Variants in PKD1L3 observed in about 807,000 individuals in gnomAD.
The protein encoded by PKD1L3 is polycystin 1 like 3, transient receptor potential channel interacting.
A neutral mutation model predicts 184.1 loss-of-function variants in PKD1L3; 239 were observed. The observed-to-expected ratio is 1.30, with a 90% confidence interval of 1.17 to 1.45. The LOEUF (loss-of-function observed/expected upper bound fraction) is 1.45. Among genes scored for constraint, PKD1L3 ranks in the 40% most tolerant of loss-of-function variants. PKD1L3 has a pLI of 0.00. For missense variants in PKD1L3, 2,660 were observed against 2,067.2 expected (o/e 1.29, Z -5.56); for synonymous variants, 996 against 778.8 (o/e 1.28, Z -4.64).
At chr16:71,958,685 G>A (rs36182990) in intron 16 of PKD1L3, among the ~76,000 whole-genome samples, 28,795 of 147,490 alleles carry the variant, frequency 0.2, 3,448 homozygotes, top group Non-Finnish European at 0.27. Flanking sequence ...GGAGGCTGAG[G>A]CAGGAGAATC....
chr16:71,984,967 G>A (rs891881163), intron 5 of PKD1L3, among the ~76,000 whole-genome samples: 9 of 152,094 alleles, frequency 5.9e-5, no homozygotes, highest in African/African-American at 2.2e-4. Context: ...AATGGCCGCG[G>A]TCCCAAAGCT....
chr16:71,995,946 T>C (rs1039138768), intron 2 of PKD1L3, among the ~76,000 whole-genome samples: 53 of 152,178 alleles, frequency 3.5e-4, no homozygotes, highest in African/African-American at 1.2e-3. Flanking sequence ...ATCTGATAGG[T>C]GGGAAAGGGT....
At chr16:71,939,818 G>A (rs2038299591) in intron 24 of PKD1L3, among the ~76,000 whole-genome samples, 1 of 152,146 alleles carries the variant, frequency 6.6e-6, no homozygotes, top group Non-Finnish European at 1.5e-5. Flanking sequence ...GAATGGACCA[G>A]TTTAACTCCA....
In PKD1L3 at chr16:71,998,311, C is replaced by G. The variant is rs1358211630; in HGVS notation, c.379G>C (p.Asp127His). The G allele has an allele frequency of 5.2e-6, 8 of 1,552,212 alleles. No individual in the cohort carries two copies. Among genetic ancestry groups the G allele is most frequent in the Middle Eastern group, 1.7e-4 (1 of 5,996 alleles). Residue 127 changes from aspartate to histidine, a missense_variant, in exon 2 of 30, where the codon GAC becomes CAC. By Grantham distance (81) the Asp-to-His change is moderately conservative. Transcript: ENST00000620267. ...RNFIRISSKG[D>H]KCLLKYYFIC... The stretch of plus-strand genomic sequence containing the variant: ...AAATAGTATTTCAGTAAGCACTTGT[C>G]CCCTTTGGATGAGATCCGAATGAAG...
chr16:71,977,284 G>T lies in PKD1L3; in HGVS notation c.1711C>A (p.His571Asn). 6.5e-7 allele frequency: 1 copy of T among 1,539,948 alleles called. No homozygotes were observed. Among genetic ancestry groups the T allele is most frequent in the South Asian group, 1.2e-5 (1 of 83,772 alleles). Reference sequence around the variant, plus strand: ...GGAAGGGTGATGTTCAGGTGGAAGTGAGTGCAGTTAGGCTGATACTGGAAC... The same window carrying T: ...GGAAGGGTGATGTTCAGGTGGAAGTTAGTGCAGTTAGGCTGATACTGGAAC... ...LGFQYQPNCTHFHLNITLPKD... is the reference protein window; with the variant it reads ...LGFQYQPNCTNFHLNITLPKD... The change falls in exon 11 of 30, where the codon CAC (histidine) becomes AAC (asparagine). Residue 571 changes from histidine to asparagine, a missense_variant. Transcript: ENST00000620267.
intron 2 of PKD1L3, among the ~76,000 whole-genome samples, chr16:71,995,000 A>G (rs958962586): frequency 1.3e-5 from 2 of 152,094 alleles, no homozygotes; most frequent in African/African-American, 4.8e-5. Flanking sequence ...AGAAAAAAAA[A>G]CAGTTGACTT....
intron 6 of PKD1L3, among the ~76,000 whole-genome samples, chr16:71,983,220 C>T (rs532957675): frequency 2.6e-5 from 4 of 152,242 alleles, no homozygotes; most frequent in Non-Finnish European, 5.9e-5. Context: ...AGTCTTGGCT[C>T]ACTGCAACCT....
chr16:71,958,183 C>G (rs955784964), intron 16 of PKD1L3, among the ~76,000 whole-genome samples: 4 of 150,484 alleles, frequency 2.7e-5, no homozygotes, highest in African/African-American at 9.8e-5. Flanking sequence ...GTCAGGAGAT[C>G]GAGACCATCC....
chr16:71,979,814 A>C lies in PKD1L3; in HGVS notation c.1370T>G (p.Leu457Trp). 6.6e-7 allele frequency: 1 copy of C among 1,512,552 alleles called. No homozygotes were observed. Among genetic ancestry groups the C allele is most frequent in the South Asian group, 1.3e-5 (1 of 77,312 alleles). 93.7% of individuals were successfully genotyped at this position (1,512,552 alleles called of 1,614,324 possible). ...GACATTAACTCCTGGATGTTTATTC[A>C]AGAGCTCCTTCAAAGCTAAAGCCGA... The part of the protein sequence containing the change: ...FPSALALKEL[L>W]NKHPGVNVQI... Residue 457 changes from leucine to tryptophan, a missense_variant, in exon 9 of 30, where the codon TTG becomes TGG. Transcript: ENST00000620267.
intron 23 of PKD1L3, among the ~76,000 whole-genome samples, chr16:71,943,629 T>C (rs2038448210): frequency 6.6e-6 from 1 of 151,938 alleles, no homozygotes; most frequent in Admixed American, 6.6e-5. Flanking sequence ...TCTCATGTGA[T>C]TGTGTTTACA....
intron 11 of PKD1L3, among the ~76,000 whole-genome samples, chr16:71,976,955 G>A (rs1033311432): frequency 6.6e-6 from 1 of 152,290 alleles, no homozygotes; most frequent in East Asian, 1.9e-4. Flanking sequence ...GTGTTAGCCA[G>A]GATGGTCTCG....
At position 71,930,309 on chromosome 16, in the gene PKD1L3, G is replaced by C. The variant is rs537896615; in HGVS notation, c.4927-126C>G. 1.2e-5 allele frequency: 11 copies of C among 937,444 alleles called. No individual in the cohort carries two copies. The South Asian group carries it at 2.6e-4, about 22-fold the overall frequency. The allele number at this position is 937,444 out of a possible 1,614,324, so 58.1% of individuals were successfully genotyped here. A position where few individuals can be genotyped will look rare whatever the true frequency, so the allele number is the denominator to read the frequency against. ...CTTATCCGAAGGAAACTTAGGGAGA[G>C]AGTCAAAAGATAATAAGAAGGAAAA... On this transcript the variant is annotated intron_variant, in intron 28 of 29. Coordinates refer to ENST00000620267, the MANE Select transcript of PKD1L3 (RefSeq NM_181536.2).
intron 5 of PKD1L3, among the ~76,000 whole-genome samples, chr16:71,985,952 TG>T (rs1299203986): frequency 6.6e-6 from 1 of 152,216 alleles, no homozygotes; most frequent in Non-Finnish European, 1.5e-5. Context: ...TTGCTGCTGC[TG>T]AAAAAGCAGG....
At chr16:71,945,327 TACACAC>T (rs376042570) in intron 22 of PKD1L3, among the ~76,000 whole-genome samples, 29 of 65,534 alleles carry the variant, frequency 4.4e-4, no homozygotes, top group African/African-American at 1.2e-3. Flanking sequence ...CACACATATA[TACACAC>T]ACACACACAT....
At chr16:71,982,278 C>A in intron 6 of PKD1L3, 43 bp from the exon 7 acceptor site, 1 of 431,902 alleles carries the variant, frequency 2.3e-6, no homozygotes, top group South Asian at 4.4e-5. Flanking sequence ...GAATTGTTTG[C>A]TTTTTTTTTT....
At chr16:71,972,400 A>G (rs529126970) in intron 12 of PKD1L3, among the ~76,000 whole-genome samples, 49 of 152,178 alleles carry the variant, frequency 3.2e-4, no homozygotes, top group African/African-American at 1.0e-3. Context: ...AACTCCCTCT[A>G]TAAGTAATCA....
intron 4 of PKD1L3, among the ~76,000 whole-genome samples, chr16:71,988,504 G>C (rs1380579000): frequency 2.6e-5 from 4 of 152,306 alleles, no homozygotes; most frequent in South Asian, 2.1e-4. Flanking sequence ...CAGCAAACGT[G>C]AAAGTTCAGA....
intron 22 of PKD1L3, 150 bp from the exon 23 acceptor site, chr16:71,944,320 T>A (rs1451552009): frequency 2.5e-6 from 2 of 785,714 alleles, no homozygotes; most frequent in South Asian, 3.5e-5. Flanking sequence ...CTCTCTATTA[T>A]AAAGGACCTG....
In PKD1L3 at chr16:71,932,865, C is replaced by T. The variant is rs2038034394; in HGVS notation, c.4926+555G>A. ...CATGATCATGGCTTATTGCAGCTTC[C>T]AACTCCTGGGCTCACAGGATTCTCT... On this transcript the variant is annotated intron_variant, in intron 28 of 29. Coordinates refer to ENST00000620267, the MANE Select transcript of PKD1L3 (RefSeq NM_181536.2). Among the ~76,000 whole-genome samples, 3 of 147,562 alleles carry T rather than the reference C, an allele frequency of 2.0e-5. No homozygotes were observed. In the South Asian group the frequency reaches 6.6e-4, roughly 32 times the overall value.
Sources: allele counts gnomAD v4.1 joint callset (sites outside exome capture counted in the v4.1 genomes callset), GRCh38; gene constraint gnomAD v4.1.1; transcripts MANE v1.5; gene names NCBI Gene and HGNC (gene_info 2026-07-23, HGNC 2026-07-21).